Variants in FAM114A1 observed in about 807,000 individuals in gnomAD.
FAM114A1 encodes family with sequence similarity 114 member A1.
Under a neutral mutation model 64.3 loss-of-function variants are expected in FAM114A1, and 62 were observed. The ratio of observed to expected loss-of-function variants is 0.96; its 90% CI spans 0.79 to 1.19. FAM114A1 has a LOEUF of 1.19. FAM114A1 is among the 50% of genes most tolerant of loss of function. FAM114A1 has a pLI of 0.00. For synonymous variants in FAM114A1, 254 were observed against 251.1 expected (o/e 1.01, Z -0.11); for missense variants, 645 against 676.3 (o/e 0.95, Z 0.51).
At chr4:38,930,804 T>C (rs1385816204) in intron 10 of FAM114A1, among the ~76,000 whole-genome samples, 2 of 152,234 alleles carry the variant, frequency 1.3e-5, no homozygotes, top group East Asian at 1.9e-4. Flanking sequence ...AGGTTTCTGA[T>C]TGTTTAATTT....
Position 38,905,777 on chromosome 4 carries a change from G to T in FAM114A1, c.573G>T (p.Gln191His). The change falls in exon 6 of 15, where the codon CAG (glutamine) becomes CAT (histidine). Residue 191 changes from glutamine to histidine, a missense_variant. By Grantham distance (24) the Gln-to-His change is conservative. Transcript: ENST00000358869. ...VPEITDAATD[Q>H]GPAESPPTSP... Reference sequence around the variant, plus strand: ...TAGTAACAGATGCAGCCACAGATCAGGGCCCTGCAGAAAGCCCACCCACTT... The same window carrying T: ...TAGTAACAGATGCAGCCACAGATCATGGCCCTGCAGAAAGCCCACCCACTT... 6.2e-7 allele frequency: 1 copy of T among 1,613,948 alleles called. No homozygotes were observed. The highest frequency in any genetic ancestry group is 8.5e-7 in the Non-Finnish European group (1 of 1,179,982).
In FAM114A1 at chr4:38,912,677, T is replaced by C. The variant is rs111596990; in HGVS notation, c.793-2244T>C. Reference sequence around the variant, plus strand: ...GATTACAGGCGTGAGCCACCGCGCCTGGCCTACTCCCCAGTTTTGAGTGAG... The same window carrying C: ...GATTACAGGCGTGAGCCACCGCGCCCGGCCTACTCCCCAGTTTTGAGTGAG... On this transcript the variant is annotated intron_variant, in intron 7 of 14. Transcript: ENST00000358869. Among the ~76,000 whole-genome samples, 1,429 of 152,310 alleles carry C rather than the reference T, an allele frequency of 9.4e-3. 21 individuals are homozygous for C. The highest frequency in any genetic ancestry group is 0.032 in the African/African-American group (1,347 of 41,566).
At chr4:38,933,557 A>G (rs180892428) in intron 12 of FAM114A1, among the ~76,000 whole-genome samples, 9 of 152,342 alleles carry the variant, frequency 5.9e-5, no homozygotes, top group African/African-American at 2.2e-4. Context: ...AGCTATTATC[A>G]TTAGTTTATT....
At chr4:38,873,307 T>C (rs554087345) in intron 2 of FAM114A1, among the ~76,000 whole-genome samples, 1 of 151,966 alleles carries the variant, frequency 6.6e-6, no homozygotes, top group East Asian at 1.9e-4. Flanking sequence ...AACTGGGAGG[T>C]GAAGGAAAAA....
In FAM114A1 at chr4:38,878,353, C is replaced by T. The variant is rs143622456; in HGVS notation, c.275C>T (p.Ala92Val). 209 of 1,613,904 alleles carry T rather than the reference C, an allele frequency of 1.3e-4. 1 individual carries two copies. The Middle Eastern group carries it at 1.8e-3, about 14-fold the overall frequency. The change falls in exon 3 of 15, where the codon GCT becomes GTT. Residue 92 changes from alanine (A) to valine (V), a missense_variant. By Grantham distance (64) the Ala-to-Val change is moderately conservative. Coordinates refer to ENST00000358869, the MANE Select transcript of FAM114A1 (RefSeq NM_138389.4). ...LNGDVTEDTL[A>V]ECIDSVSLEA... ...GGAGACGTGACTGAGGATACACTTG[C>T]TGAATGTATTGATTCCGTCAGCCTT... is the stretch of plus-strand genomic sequence containing the variant.
chr4:38,905,902 C>A, intron 6 of FAM114A1, 41 bp downstream of exon 6: 2 of 1,545,724 alleles, frequency 1.3e-6, no homozygotes, highest in East Asian at 2.3e-5. Flanking sequence ...CTGTATTTCC[C>A]AGGGCCTTCT....
intron 9 of FAM114A1, among the ~76,000 whole-genome samples, chr4:38,923,873 G>A (rs1014137886): frequency 2.0e-5 from 3 of 152,170 alleles, no homozygotes; most frequent in Admixed American, 6.5e-5. Flanking sequence ...TCTGGGTTGG[G>A]CATGGTTAAT....
At chr4:38,881,218 A>G (rs975806597) in intron 3 of FAM114A1, among the ~76,000 whole-genome samples, 13 of 150,300 alleles carry the variant, frequency 8.6e-5, no homozygotes, top group South Asian at 8.4e-4. Flanking sequence ...AAAAAAAATC[A>G]GTATGCTTCT....
chr4:38,875,950 G>T (rs903949984), intron 2 of FAM114A1, among the ~76,000 whole-genome samples: 4 of 151,896 alleles, frequency 2.6e-5, no homozygotes, highest in African/African-American at 9.7e-5. Flanking sequence ...TGCTTTAATG[G>T]CTACATTCCT....
intron 3 of FAM114A1, among the ~76,000 whole-genome samples, chr4:38,891,367 A>G (rs1218778449): frequency 6.6e-6 from 1 of 152,110 alleles, no homozygotes; most frequent in Non-Finnish European, 1.5e-5. Flanking sequence ...TAAGCCCTGT[A>G]AGAATTGCCT....
chr4:38,870,406 G>A (rs942039208), intron 2 of FAM114A1, among the ~76,000 whole-genome samples: 11 of 152,194 alleles, frequency 7.2e-5, no homozygotes, highest in African/African-American at 2.7e-4. Flanking sequence ...TTTTGTGTTA[G>A]CTCCTCAAAC....
At chr4:38,909,061 C>T (rs1718295032) in intron 7 of FAM114A1, among the ~76,000 whole-genome samples, 1 of 152,180 alleles carries the variant, frequency 6.6e-6, no homozygotes, top group Non-Finnish European at 1.5e-5. Flanking sequence ...CATATTTTTT[C>T]AACCCAGTGG....
rs535696639 is a variant in FAM114A1 at position 38,895,937 on chromosome 4, T to A, written c.436+4107T>A. On this transcript the variant is annotated intron_variant, in intron 4 of 14. Coordinates refer to ENST00000358869, the MANE Select transcript of FAM114A1 (RefSeq NM_138389.4). ...CCACTGTCATAGATGTGGCCCGTCG[T>A]TGACCGTAAGTTTGTCATGTGGTGC... Among the ~76,000 whole-genome samples, 7 of 152,284 alleles carry A rather than the reference T, an allele frequency of 4.6e-5. No homozygotes were observed. In the South Asian group the frequency reaches 1.5e-3, roughly 32 times the overall value.
intron 2 of FAM114A1, among the ~76,000 whole-genome samples, chr4:38,876,087 T>G (rs1714586487): frequency 6.6e-6 from 1 of 151,836 alleles, no homozygotes. Context: ...CACTGTGAAT[T>G]TCTGACAAAG....
At chr4:38,888,177 T>C (rs1715995932) in intron 3 of FAM114A1, among the ~76,000 whole-genome samples, 1 of 151,870 alleles carries the variant, frequency 6.6e-6, no homozygotes, top group South Asian at 2.1e-4. Flanking sequence ...TATTTAATGA[T>C]AAAGACCTTT....
rs186613690 is a variant in FAM114A1 at position 38,888,841 on chromosome 4, G to C, written c.349-2902G>C. On this transcript the variant is annotated intron_variant, in intron 3 of 14. Transcript: ENST00000358869. ...CAATCTGAGCAGCTCCATGCTGCCT[G>C]TTGTAGCATCTCCTAATTGTGTGAC... Among the ~76,000 whole-genome samples the C allele has an allele frequency of 4.6e-3, 700 of 152,322 alleles. 3 individuals carry two copies. The highest frequency in any genetic ancestry group is 0.016 in the African/African-American group (651 of 41,554).
At chr4:38,927,184 C>A (rs1418938420) in intron 9 of FAM114A1, among the ~76,000 whole-genome samples, 2 of 152,230 alleles carry the variant, frequency 1.3e-5, no homozygotes. Context: ...TAGCACATTA[C>A]TCAATTGTCA....
intron 4 of FAM114A1, among the ~76,000 whole-genome samples, chr4:38,899,746 C>A (rs888151787): frequency 6.6e-5 from 10 of 152,148 alleles, no homozygotes; most frequent in East Asian, 1.9e-4. Flanking sequence ...AATGTACCCA[C>A]ATTTTTCATT....
At chr4:38,879,319 A>G (rs1714977840) in intron 3 of FAM114A1, among the ~76,000 whole-genome samples, 1 of 152,160 alleles carries the variant, frequency 6.6e-6, no homozygotes, top group African/African-American at 2.4e-5. Flanking sequence ...CACCCCCTTG[A>G]GGTGACTCTG....
Sources: gnomAD v4.1 joint callset for allele counts (sites outside exome capture counted in the v4.1 genomes callset) on GRCh38, gnomAD v4.1.1 for gene constraint, MANE v1.5 for transcripts, NCBI Gene and HGNC (gene_info 2026-07-23, HGNC 2026-07-21) for gene names.